The following CPLANE1 variants were observed in gnomAD, a reference collection of about 807,000 sequenced individuals.
The protein encoded by CPLANE1 is ciliogenesis and planar polarity effector complex subunit 1, also known as ciliogenesis and planar polarity effector 1.
CPLANE1 carries 263 observed loss-of-function variants against 362.5 expected under a neutral mutation model. That is an observed-to-expected ratio of 0.73 (90% CI 0.66 to 0.80). The LOEUF is 0.80. CPLANE1 is among the 30% of genes least tolerant of loss of function. CPLANE1 has a pLI of 0.00. For missense variants in CPLANE1, 3,461 were observed against 3,793.4 expected (o/e 0.91, Z 2.30); for synonymous variants, 1,212 against 1,302.6 (o/e 0.93, Z 1.50).
At chr5:37,078,815 T>C in the CPLANE1 span, among the ~76,000 whole-genome samples, 1 of 152,154 alleles carries the variant, frequency 6.6e-6, no homozygotes, top group Non-Finnish European at 1.5e-5. Flanking sequence ...ATCAGTGATG[T>C]TGAGCTTCTT....
intron 47 of CPLANE1, among the ~76,000 whole-genome samples, chr5:37,123,415 T>A (rs915499466): frequency 2.6e-5 from 4 of 152,244 alleles, no homozygotes; most frequent in African/African-American, 4.8e-5. Flanking sequence ...ATGAAAATTT[T>A]AATTACATTA....
chr5:37,088,780 T>G, the CPLANE1 span, among the ~76,000 whole-genome samples: 3 of 151,870 alleles, frequency 2.0e-5, no homozygotes, highest in African/African-American at 4.8e-5. Context: ...GAGAAGACCC[T>G]AAAAGGGTTG....
rs77588302 is a variant in CPLANE1, at chr5:37,140,595, G to A, written c.8633-1225C>T. The A allele has an allele frequency of 7.7e-3, 7,622 of 985,398 alleles. 65 individuals are homozygous for A. The highest frequency in any genetic ancestry group is 0.059 in the East Asian group (517 of 8,814). 61.0% of individuals were successfully genotyped at this position (985,398 alleles called of 1,614,324 possible). ...AGAGACACTTTCTATCAGTATTTGA[G>A]AGGCCCCTGCTGGCCTATTCACGAA... On this transcript the variant is annotated intron_variant, in intron 44 of 52. Transcript: ENST00000651892.
intron 1 of CPLANE1, among the ~76,000 whole-genome samples, chr5:37,248,749 T>G (rs1404883193): frequency 6.6e-6 from 1 of 152,216 alleles, no homozygotes; most frequent in Non-Finnish European, 1.5e-5. Flanking sequence ...AAAGCATCAT[T>G]TGCAGCTCCT....
At chr5:37,224,802 CT>C in intron 12 of CPLANE1, 62 bp from the exon 13 acceptor site, 2 of 1,106,538 alleles carry the variant, frequency 1.8e-6, no homozygotes, top group Non-Finnish European at 1.3e-6. Context: ...GTTTAGCCTC[CT>C]TTTTAGCCTA....
intron 46 of CPLANE1, among the ~76,000 whole-genome samples, chr5:37,126,039 A>G (rs2150150136): frequency 6.6e-6 from 1 of 152,250 alleles, no homozygotes; most frequent in Admixed American, 6.5e-5. Context: ...GGAGTTCAAG[A>G]CCAGCCTGGG....
chr5:37,151,069 G>GA (rs1773419950), intron 42 of CPLANE1, among the ~76,000 whole-genome samples: 2 of 152,110 alleles, frequency 1.3e-5, no homozygotes, highest in Non-Finnish European at 2.9e-5. Context: ...GCTTATAGGA[G>GA]AAAATCCCAA....
intron 8 of CPLANE1, among the ~76,000 whole-genome samples, chr5:37,238,233 T>C (rs1341797590): frequency 6.6e-6 from 1 of 152,092 alleles, no homozygotes; most frequent in African/African-American, 2.4e-5. Context: ...AGTGCAGTAG[T>C]GCGATCTCAG....
chr5:37,240,104 C>A (rs1336562324), intron 6 of CPLANE1, among the ~76,000 whole-genome samples: 2 of 152,104 alleles, frequency 1.3e-5, no homozygotes, highest in Non-Finnish European at 2.9e-5. Flanking sequence ...GTAATCCCAG[C>A]ACTTTAGGAG....
chr5:37,089,513 G>C, the CPLANE1 span, among the ~76,000 whole-genome samples: 1 of 152,140 alleles, frequency 6.6e-6, no homozygotes, highest in Admixed American at 6.5e-5. Context: ...AAGAGTAATT[G>C]AAAGCTGGGC....
intron 43 of CPLANE1, among the ~76,000 whole-genome samples, chr5:37,147,879 A>G (rs543119695): frequency 1.4e-5 from 2 of 148,022 alleles, no homozygotes; most frequent in African/African-American, 4.9e-5. Context: ...CCTCAGCACT[A>G]TGAGGCCAAT....
chr5:37,208,415 C>T (rs1791454758), intron 16 of CPLANE1, among the ~76,000 whole-genome samples: 1 of 152,342 alleles, frequency 6.6e-6, no homozygotes, highest in East Asian at 1.9e-4. Context: ...CGGTGGCTCA[C>T]GCCTGTAATC....
Position 37,209,016 on chromosome 5 carries a change from G to C in CPLANE1, c.2921-2591C>G, listed in dbSNP as rs543550856. On this transcript the variant is annotated intron_variant, in intron 16 of 52. Coordinates refer to ENST00000651892, the MANE Select transcript of CPLANE1 (RefSeq NM_001384732.1). The surrounding 1 kb of genome is among the most constrained non-coding windows in gnomAD (Gnocchi z 4.6). ...AGAACGGGAAGGCTGTACTGAGCCGGTCTCGGGAGACGAAGGATGGGATGT... is the reference window on the plus strand; with the variant it reads ...AGAACGGGAAGGCTGTACTGAGCCGCTCTCGGGAGACGAAGGATGGGATGT... 2.3e-4 allele frequency among the ~76,000 whole-genome samples: 35 copies of C among 152,222 alleles called. No homozygotes were observed. In the South Asian group the frequency reaches 7.3e-3, roughly 32 times the overall value.
In CPLANE1 at chr5:37,187,440, T is replaced by A. The variant is rs146808769; in HGVS notation, c.4054A>T (p.Ile1352Phe). The A allele has an allele frequency of 2.5e-6, 4 of 1,612,662 alleles. No homozygotes were observed. In the African/African-American group the frequency reaches 5.3e-5, roughly 22 times the overall value. ...TTTCTGATTGGTGGCAGTTCTCCAA[T>A]AAGGCTCAAAATTATATCCTGAATA... is the stretch of plus-strand genomic sequence containing the variant. ...ELIQDIILSLIGELPPIRKVA... is the reference protein window; with the variant it reads ...ELIQDIILSLFGELPPIRKVA... Residue 1352 changes from isoleucine to phenylalanine, a missense_variant, in exon 23 of 53, where the codon ATT becomes TTT. Physicochemically the swap from Ile to Phe is conservative, Grantham distance 21. This residue lies in a region of CPLANE1 where 3,380 missense variants were observed against 3,666.1 expected (regional missense o/e 0.92). Transcript: ENST00000651892.
intron 16 of CPLANE1, among the ~76,000 whole-genome samples, chr5:37,207,264 G>C (rs1412411844): frequency 2.0e-5 from 3 of 152,170 alleles, no homozygotes; most frequent in Non-Finnish European, 4.4e-5. Flanking sequence ...TCCTCGAAAT[G>C]GTGAGTTTCT....
At chr5:37,163,721 G>C (rs1777489696) in intron 37 of CPLANE1, among the ~76,000 whole-genome samples, 1 of 152,052 alleles carries the variant, frequency 6.6e-6, no homozygotes, top group African/African-American at 2.4e-5. Context: ...TTATGCTAGA[G>C]GTGTCTCTTT....
Position 37,209,874 on chromosome 5 carries a change from T to C in CPLANE1, c.2921-3449A>G. ...GACAAGTTCGACATTTAGCAGAGAT[T>C]CTCTGGCTGAGAAGCTTCAGCTTAT... On this transcript the variant is annotated intron_variant, in intron 16 of 52. Coordinates refer to ENST00000651892, the MANE Select transcript of CPLANE1 (RefSeq NM_001384732.1). The surrounding 1 kb of genome is among the most constrained non-coding windows in gnomAD (Gnocchi z 4.6). 1.4e-6 allele frequency: 2 copies of C among 1,416,944 alleles called. No individual in the cohort carries two copies. Among genetic ancestry groups the C allele is most frequent in the South Asian group, 2.3e-5 (2 of 86,898 alleles). 87.8% of individuals were successfully genotyped at this position (1,416,944 alleles called of 1,614,324 possible).
rs755938936 is a variant in CPLANE1 at position 37,184,982 on chromosome 5, A to C, written c.4287T>G (p.Phe1429Leu). 7.4e-6 allele frequency: 12 copies of C among 1,614,082 alleles called. No individual in the cohort carries two copies. The highest frequency in any genetic ancestry group is 2.2e-5 in the East Asian group (1 of 44,868). Residue 1429 changes from phenylalanine to leucine, a missense_variant, in exon 25 of 53, where the codon TTT becomes TTG. Physicochemically the swap from Phe to Leu is conservative, Grantham distance 22 (BLOSUM62 0). Around this residue, in one of 2 missense-constraint regions of CPLANE1, gnomAD observed 3,380 missense variants for 3,666.1 expected, o/e 0.92. Coordinates refer to ENST00000651892, the MANE Select transcript of CPLANE1 (RefSeq NM_001384732.1). ...LKRVQRNIGS[F>L]EVNIWEPIEE... ...CAATTGGTTCCCATATATTCACTTC[A>C]AAAGAGCCTATATTTCTCTGCACAC... is the stretch of plus-strand genomic sequence containing the variant.
chr5:37,228,071 C>A (rs1355315786), intron 9 of CPLANE1, among the ~76,000 whole-genome samples: 2 of 152,088 alleles, frequency 1.3e-5, no homozygotes, highest in Non-Finnish European at 2.9e-5. Context: ...TATCTACATA[C>A]AACCTATTTC....
Sources: allele counts gnomAD v4.1 joint callset (sites outside exome capture counted in the v4.1 genomes callset), GRCh38; gene constraint gnomAD v4.1.1; regional missense constraint gnomAD v4.1.1; non-coding constraint Gnocchi (gnomAD v3.1); transcripts MANE v1.5; gene names NCBI Gene and HGNC (gene_info 2026-07-23, HGNC 2026-07-21).